The following ENTREP1 variants were observed in gnomAD, a reference collection of about 807,000 sequenced individuals.
The protein encoded by ENTREP1 is endosomal transmembrane epsin interactor 1.
At chr9:69,339,402 T>A in the ENTREP1 span, among the ~76,000 whole-genome samples, 2 of 152,186 alleles carry the variant, frequency 1.3e-5, no homozygotes, top group Non-Finnish European at 2.9e-5. Context: ...GCCAGTCAGA[T>A]ATTCCTAGCC....
chr9:69,330,639 T>G, the ENTREP1 span, among the ~76,000 whole-genome samples: 1 of 152,256 alleles, frequency 6.6e-6, no homozygotes, highest in Non-Finnish European at 1.5e-5. Flanking sequence ...TAAATATTTT[T>G]TATCATACTA....
At chr9:69,373,113 A>T in the ENTREP1 span, among the ~76,000 whole-genome samples, 1 of 151,986 alleles carries the variant, frequency 6.6e-6, no homozygotes, top group Admixed American at 6.6e-5. Flanking sequence ...CAACACTGTG[A>T]TTATTTCTGA....
At chr9:69,355,898 G>A in the ENTREP1 span, among the ~76,000 whole-genome samples, 1 of 152,186 alleles carries the variant, frequency 6.6e-6, no homozygotes, top group Non-Finnish European at 1.5e-5. Context: ...AGTGAGTAGT[G>A]TTCCAGGAGG....
At chr9:69,375,747 T>A in the ENTREP1 span, 1 of 1,613,298 alleles carries the variant, frequency 6.2e-7, no homozygotes, top group Admixed American at 1.7e-5. Context: ...TGGACTTAGG[T>A]GAAGGCAAGA....
chr9:69,332,344 C>T, the ENTREP1 span, among the ~76,000 whole-genome samples: 8 of 152,268 alleles, frequency 5.3e-5, no homozygotes, highest in South Asian at 1.5e-3. Flanking sequence ...TTGTAAAGAG[C>T]GGTGGCTTAC....
the ENTREP1 span, among the ~76,000 whole-genome samples, chr9:69,350,536 A>G: frequency 6.6e-6 from 1 of 152,166 alleles, no homozygotes. Context: ...TGTCATCTGA[A>G]TATTTCTTTT....
chr9:69,374,766 G>A, the ENTREP1 span, among the ~76,000 whole-genome samples: 1 of 152,282 alleles, frequency 6.6e-6, no homozygotes, highest in South Asian at 2.1e-4. Flanking sequence ...AATGCAGGGT[G>A]GATGTTCATT....
chr9:69,326,625 T>C, the ENTREP1 span, among the ~76,000 whole-genome samples: 1 of 152,298 alleles, frequency 6.6e-6, no homozygotes, highest in South Asian at 2.1e-4. Context: ...ATCCAACCCC[T>C]TGACGTTTTC....
the ENTREP1 span, among the ~76,000 whole-genome samples, chr9:69,385,276 A>T: frequency 2.6e-5 from 4 of 152,066 alleles, no homozygotes. Flanking sequence ...TCACAGTTTT[A>T]TTTTCATGAG....
the ENTREP1 span, chr9:69,325,358 C>A: frequency 2.7e-5 from 32 of 1,176,310 alleles, 1 homozygote; most frequent in South Asian, 1.3e-3. Flanking sequence ...CGTGGCTGGG[C>A]TTTCGGGTGG....
At chr9:69,327,589 G>A in the ENTREP1 span, among the ~76,000 whole-genome samples, 351 of 151,084 alleles carry the variant, frequency 2.3e-3, 2 homozygotes, top group African/African-American at 8.2e-3. Context: ...TTAGATATCG[G>A]TCAAGCCACA....
At chr9:69,376,235 G>A in the ENTREP1 span, among the ~76,000 whole-genome samples, 3 of 152,052 alleles carry the variant, frequency 2.0e-5, no homozygotes, top group Admixed American at 6.6e-5. Context: ...CCTTTAAGTC[G>A]CACACTCGTG....
At chr9:69,368,846 A>T in the ENTREP1 span, among the ~76,000 whole-genome samples, 49,721 of 151,126 alleles carry the variant, frequency 0.33, 8,413 homozygotes, top group African/African-American at 0.41. Flanking sequence ...CTTTTTTTTT[A>T]AATTATACTT....
chr9:69,370,158 C>T, the ENTREP1 span, among the ~76,000 whole-genome samples: 2 of 151,988 alleles, frequency 1.3e-5, no homozygotes, highest in South Asian at 2.1e-4. Flanking sequence ...ATTATAACCA[C>T]ACTTTTTTTT....
chr9:69,344,997 TC>T, the ENTREP1 span, among the ~76,000 whole-genome samples: 5 of 152,224 alleles, frequency 3.3e-5, no homozygotes, highest in African/African-American at 9.6e-5. Flanking sequence ...CCATGATTTT[TC>T]TTCTATGAAT....
chr9:69,375,706 A>C, the ENTREP1 span: 1 of 1,571,460 alleles, frequency 6.4e-7, no homozygotes, highest in Admixed American at 1.7e-5. Context: ...TAATAATTAA[A>C]GTATTTTTTT....
At chr9:69,329,425 TC>T in the ENTREP1 span, 188 of 984,344 alleles carry the variant, frequency 1.9e-4, no homozygotes, top group Non-Finnish European at 2.2e-4. Flanking sequence ...TTTGGAGGCT[TC>T]TTTCACTTGT....
the ENTREP1 span, among the ~76,000 whole-genome samples, chr9:69,367,602 T>TATATATATATATACACACATATATATAA: frequency 2.8e-5 from 4 of 140,896 alleles, no homozygotes; most frequent in Admixed American, 7.4e-5. Flanking sequence ...GGGTGTTTTA[T>TATATATATATATACACACATATATATAA]ATATATATAT....
chr9:69,377,815 A>T, the ENTREP1 span: 1 of 1,470,240 alleles, frequency 6.8e-7, no homozygotes, highest in Admixed American at 2.2e-5. Context: ...TGTCTCCAGA[A>T]CTCACCACAT....
Sources: allele counts gnomAD v4.1 joint callset (sites outside exome capture counted in the v4.1 genomes callset), GRCh38; gene constraint gnomAD v4.1.1; transcripts MANE v1.5; gene names NCBI Gene and HGNC (gene_info 2026-07-23, HGNC 2026-07-21).